Variants in FCF1 observed in about 807,000 individuals in gnomAD.
FCF1 encodes FCF1 rRNA-processing protein.
FCF1 carries 17 observed loss-of-function variants against 32.5 expected under a neutral mutation model. That is an observed-to-expected ratio of 0.52 (90% CI 0.36 to 0.78). FCF1 has a LOEUF of 0.78. Ranked by LOEUF, FCF1 falls within the 30% of genes least tolerant of loss-of-function variation. FCF1 has a pLI of 0.00. For synonymous variants in FCF1, 84 were observed against 78.4 expected (o/e 1.07, Z -0.38); for missense variants, 201 against 241.1 (o/e 0.83, Z 1.10).
rs200030575 is a variant in FCF1 at position 74,714,853 on chromosome 14, T to A, written c.72-19T>A. ...GGTTTTTCTTCTCCCTTGGATTTAATTTACCTTTTTCTTCCTAGTAAAGAA... is the reference window on the plus strand; with the variant it reads ...GGTTTTTCTTCTCCCTTGGATTTAAATTACCTTTTTCTTCCTAGTAAAGAA... On this transcript the variant is annotated intron_variant, in intron 2 of 7. Coordinates refer to ENST00000341162, the MANE Select transcript of FCF1 (RefSeq NM_015962.5). 139 of 1,549,742 alleles carry A rather than the reference T, an allele frequency of 9.0e-5. No homozygotes were observed. Among genetic ancestry groups the A allele is most frequent in the Non-Finnish European group, 1.1e-4 (131 of 1,151,828 alleles).
intron 4 of FCF1, among the ~76,000 whole-genome samples, chr14:74,720,204 C>T (rs28470774): frequency 0.23 from 34,513 of 152,140 alleles, 4,065 homozygotes; most frequent in South Asian, 0.31. Flanking sequence ...AATTGACTCC[C>T]TTTACAACTA....
rs370296738 is a variant in FCF1, at chr14:74,730,985, G to A, written c.366-1746G>A. Among the ~76,000 whole-genome samples the A allele has an allele frequency of 3.3e-5, 5 of 151,518 alleles. No homozygotes were observed. The East Asian group carries it at 9.7e-4, about 29-fold the overall frequency. On this transcript the variant is annotated intron_variant, in intron 5 of 7. Transcript: ENST00000341162. ...TGCACTCCAGTCTGGGTGACAGAAT[G>A]AGACCCCATCTCCAAAAAAAAAAAA... is the stretch of plus-strand genomic sequence containing the variant.
intron 5 of FCF1, among the ~76,000 whole-genome samples, chr14:74,725,395 A>G (rs1176676469): frequency 7.2e-6 from 1 of 139,052 alleles, no homozygotes; most frequent in Non-Finnish European, 1.5e-5. Context: ...CAGGAGAATC[A>G]TTTGAGCCCA....
intron 4 of FCF1, among the ~76,000 whole-genome samples, chr14:74,721,443 A>G (rs989767613): frequency 6.6e-6 from 1 of 152,180 alleles, no homozygotes; most frequent in Non-Finnish European, 1.5e-5. Flanking sequence ...GCTCACGCCT[A>G]TAATCCCATC....
chr14:74,722,972 TAAAAATAAA>T (rs1246117176), intron 4 of FCF1, among the ~76,000 whole-genome samples: 1 of 151,822 alleles, frequency 6.6e-6, no homozygotes, highest in African/African-American at 2.4e-5. Flanking sequence ...AAAAAAATAA[TAAAAATAAA>T]TAATTTTTTT....
intron 5 of FCF1, among the ~76,000 whole-genome samples, chr14:74,724,430 A>G (rs2090548643): frequency 6.6e-6 from 1 of 152,162 alleles, no homozygotes; most frequent in Admixed American, 6.6e-5. Flanking sequence ...GACTACAGGC[A>G]TGCAACACCT....
intron 5 of FCF1, among the ~76,000 whole-genome samples, chr14:74,730,323 C>T (rs2090619019): frequency 2.0e-5 from 3 of 151,364 alleles, no homozygotes; most frequent in Admixed American, 1.3e-4. Context: ...AGTGATCCTC[C>T]TGCTTTGGCC....
intron 5 of FCF1, among the ~76,000 whole-genome samples, chr14:74,729,363 C>G (rs2140036096): frequency 6.6e-6 from 1 of 152,128 alleles, no homozygotes; most frequent in Non-Finnish European, 1.5e-5. Flanking sequence ...TTATCCATTT[C>G]TTCTAGATTT....
At chr14:74,720,662 T>C (rs1375552156) in intron 4 of FCF1, among the ~76,000 whole-genome samples, 1 of 152,166 alleles carries the variant, frequency 6.6e-6, no homozygotes, top group African/African-American at 2.4e-5. Flanking sequence ...CATTCTTTTA[T>C]TTTGAGTCAA....
intron 5 of FCF1, 128 bp downstream of exon 5, chr14:74,723,472 T>C: frequency 3.1e-6 from 2 of 653,532 alleles, no homozygotes; most frequent in Non-Finnish European, 5.1e-6. Flanking sequence ...TTTGGGGGGG[T>C]TGTTTTGGTC....
At chr14:74,734,309 G>A in intron 7 of FCF1, 139 bp downstream of exon 7, 1 of 560,544 alleles carries the variant, frequency 1.8e-6, no homozygotes, top group Non-Finnish European at 3.1e-6. Flanking sequence ...GAAGAAATGA[G>A]ACAAAGCAAG....
chr14:74,716,231 G>A, intron 4 of FCF1, 132 bp downstream of exon 4: 3 of 834,928 alleles, frequency 3.6e-6, no homozygotes, highest in Non-Finnish European at 5.7e-6. Context: ...GGTCACCATA[G>A]CAGTGACCAT....
intron 5 of FCF1, among the ~76,000 whole-genome samples, chr14:74,723,689 G>A (rs1459120122): frequency 6.6e-6 from 1 of 151,942 alleles, no homozygotes; most frequent in Non-Finnish European, 1.5e-5. Flanking sequence ...TTAGCCGGCT[G>A]TGGTGGCAGG....
At chr14:74,729,513 G>A (rs149945634) in intron 5 of FCF1, among the ~76,000 whole-genome samples, 1 of 151,998 alleles carries the variant, frequency 6.6e-6, no homozygotes, top group East Asian at 1.9e-4. Context: ...ATTAGTCTTG[G>A]TAGCGGTTTA....
chr14:74,719,236 A>G (rs2086649146), intron 4 of FCF1, among the ~76,000 whole-genome samples: 1 of 151,116 alleles, frequency 6.6e-6, no homozygotes, highest in African/African-American at 2.4e-5. Flanking sequence ...CTGAGGCTAC[A>G]GTGAATTGTG....
intron 4 of FCF1, among the ~76,000 whole-genome samples, chr14:74,721,415 G>A (rs1304959813): frequency 1.2e-4 from 19 of 152,056 alleles, no homozygotes; most frequent in Non-Finnish European, 1.3e-4. Flanking sequence ...TTAAAGTTAT[G>A]TATGGCCGGG....
chr14:74,730,090 G>A (rs1240524829), intron 5 of FCF1, among the ~76,000 whole-genome samples: 1 of 152,040 alleles, frequency 6.6e-6, no homozygotes, highest in African/African-American at 2.4e-5. Flanking sequence ...TTGATTTGGG[G>A]TGGAGAGTTC....
chr14:74,716,511 A>T (rs141764243), intron 4 of FCF1, among the ~76,000 whole-genome samples: 1 of 152,348 alleles, frequency 6.6e-6, no homozygotes, highest in Admixed American at 6.5e-5. Flanking sequence ...TTATGATCAC[A>T]GCCCTAGAAG....
At position 74,715,957 on chromosome 14, in the gene FCF1, A is replaced by G. The variant is rs2090412913; in HGVS notation, c.150A>G (p.Gln50=). Residue 50 remains glutamine (Q), a synonymous_variant, in exon 4 of 8, where the codon CAA becomes CAG. Transcript: ENST00000341162. ...TGTTTTCTTTTTCCTTCAGTCCCCA[A>G]CACCCTTCCTGCTTATTTTTCCAAT... ...PSALKEREVP[Q]HPSCLFFQYN... The G allele has an allele frequency of 5.6e-6, 9 of 1,613,626 alleles. No individual in the cohort carries two copies. In the South Asian group the frequency reaches 8.8e-5, roughly 16 times the overall value.
Sources: gnomAD v4.1 joint callset for allele counts (sites outside exome capture counted in the v4.1 genomes callset) on GRCh38, gnomAD v4.1.1 for gene constraint, MANE v1.5 for transcripts, NCBI Gene and HGNC (gene_info 2026-07-23, HGNC 2026-07-21) for gene names.